Variants in FAM222B observed in about 807,000 individuals in gnomAD.
The protein encoded by FAM222B is protein FAM222B.
Under a neutral mutation model 38.0 loss-of-function variants are expected in FAM222B, and 12 were observed. The ratio of observed to expected loss-of-function variants is 0.32; its 90% CI spans 0.20 to 0.51. FAM222B has a LOEUF of 0.51. Among genes scored for constraint, FAM222B ranks in the 20% least tolerant of loss-of-function variants. The probability of loss-of-function intolerance (pLI) is 0.97; values close to 1 mark genes in which losing one functional copy is unlikely to be tolerated. For missense variants in FAM222B, 716 were observed against 754.2 expected, an observed-to-expected ratio of 0.95 and a Z score of 0.59; for synonymous variants, 329 against 317.2, an observed-to-expected ratio of 1.04 and a Z score of -0.40.
Position 28,758,616 on chromosome 17 carries a change from T to G in FAM222B, c.1343A>C (p.His448Pro). 1 of 1,611,596 alleles carries G rather than the reference T, an allele frequency of 6.2e-7. No homozygotes were observed. The highest frequency in any genetic ancestry group is 1.1e-5 in the South Asian group (1 of 91,082). Reference protein sequence around the residue: ...MAAPLAYPNGHYFQPLWNNIL... With the variant: ...MAAPLAYPNGPYFQPLWNNIL... Reference sequence around the variant, plus strand: ...GTTGTTCCACAGGGGTTGGAAGTAGTGACCATTGGGGTAGGCCAATGGGGC... The same window carrying G: ...GTTGTTCCACAGGGGTTGGAAGTAGGGACCATTGGGGTAGGCCAATGGGGC... Residue 448 changes from histidine to proline, a missense_variant, in exon 3 of 3, where the codon CAC becomes CCC. Coordinates refer to ENST00000581407, the MANE Select transcript of FAM222B (RefSeq NM_001077498.3).
intron 1 of FAM222B, among the ~76,000 whole-genome samples, chr17:28,850,148 T>C (rs1190001703): frequency 6.6e-6 from 1 of 152,046 alleles, no homozygotes; most frequent in Non-Finnish European, 1.5e-5. Flanking sequence ...CTCTCTTCTC[T>C]GCCCCATAAA....
Position 28,759,271 on chromosome 17 carries a change from C to T in FAM222B, c.688G>A (p.Gly230Ser). Residue 230 changes from glycine (G) to serine (S), a missense_variant, in exon 3 of 3, where the codon GGC becomes AGC. Physicochemically the swap from Gly to Ser is moderately conservative, Grantham distance 56. Transcript: ENST00000581407. This position sits in a 1 kb window ranked among gnomAD's most constrained non-coding sequence, Gnocchi z 4.8. Reference protein sequence around the residue: ...QHPHNPLLHGGRKMPDSDAPP... With the variant: ...QHPHNPLLHGSRKMPDSDAPP... Reference sequence around the variant, plus strand: ...GCATCTGAGTCTGGCATCTTCCGGCCTCCATGCAGCAAGGGATTGTGGGGG... The same window carrying T: ...GCATCTGAGTCTGGCATCTTCCGGCTTCCATGCAGCAAGGGATTGTGGGGG... 6.2e-7 allele frequency: 1 copy of T among 1,613,370 alleles called. No homozygotes were observed. The highest frequency in any genetic ancestry group is 8.5e-7 in the Non-Finnish European group (1 of 1,179,730).
At chr17:28,835,024 T>TTGTGTGTGTGTGTGTGTGTG (rs61229770) in intron 1 of FAM222B, among the ~76,000 whole-genome samples, 15 of 132,110 alleles carry the variant, frequency 1.1e-4, no homozygotes, top group Middle Eastern at 3.6e-3. Flanking sequence ...TCAGCTAATT[T>TTGTGTGTGTGTGTGTGTGTG]TGTGTGTGTG....
intron 1 of FAM222B, among the ~76,000 whole-genome samples, chr17:28,799,544 C>A (rs2037119234): frequency 6.6e-6 from 1 of 151,800 alleles, no homozygotes; most frequent in Non-Finnish European, 1.5e-5. Context: ...CTCCTGACCT[C>A]GTGATCCGCC....
chr17:28,759,967 G>T lies in FAM222B; in HGVS notation c.83-91C>A. On this transcript the variant is annotated intron_variant, in intron 2 of 2. Coordinates refer to ENST00000581407, the MANE Select transcript of FAM222B (RefSeq NM_001077498.3). The surrounding 1 kb of genome is among the most constrained non-coding windows in gnomAD (Gnocchi z 4.8). ...GCCCTTCCAGATTCCCCTTTTGAGG[G>T]CCTGGGGTGGGGTGGGGAAATGACT... is the stretch of plus-strand genomic sequence containing the variant. 1 of 1,285,084 alleles carries T rather than the reference G, an allele frequency of 7.8e-7. No individual in the cohort carries two copies. Among genetic ancestry groups the T allele is most frequent in the Non-Finnish European group, 1.1e-6 (1 of 948,452 alleles). The allele number at this position is 1,285,084 out of a possible 1,614,324, so 79.6% of individuals were successfully genotyped here.
At chr17:28,761,338 G>A (rs1162533692) in intron 2 of FAM222B, among the ~76,000 whole-genome samples, 1 of 152,184 alleles carries the variant, frequency 6.6e-6, no homozygotes, top group African/African-American at 2.4e-5. Flanking sequence ...CACAAAAGGT[G>A]CCTAATAAAT....
In FAM222B at chr17:28,831,592, C is replaced by A. The variant is rs564644939; in HGVS notation, c.-41+11090G>T. Among the ~76,000 whole-genome samples, 16 of 150,978 alleles carry A rather than the reference C, an allele frequency of 1.1e-4. No individual in the cohort carries two copies. In the East Asian group the frequency reaches 2.6e-3, roughly 24 times the overall value. On this transcript the variant is annotated intron_variant, in intron 1 of 2. Transcript: ENST00000581407. ...TGCGATCTTGGTTCACTGCAACCTC[C>A]GCCTTCTGGGCTCAAGCAATCCTAC... is the stretch of plus-strand genomic sequence containing the variant.
intron 1 of FAM222B, among the ~76,000 whole-genome samples, chr17:28,790,662 T>G (rs1002731898): frequency 6.6e-6 from 1 of 152,136 alleles, no homozygotes; most frequent in African/African-American, 2.4e-5. Flanking sequence ...AAGCAACATT[T>G]GAAGAGGATC....
At chr17:28,775,120 C>T (rs1173577648) in intron 1 of FAM222B, among the ~76,000 whole-genome samples, 1 of 148,626 alleles carries the variant, frequency 6.7e-6, no homozygotes, top group Non-Finnish European at 1.5e-5. Flanking sequence ...CCTGCCTCAG[C>T]CTCCTGAGTA....
At chr17:28,811,626 C>G (rs1374082420) in intron 1 of FAM222B, among the ~76,000 whole-genome samples, 1 of 152,196 alleles carries the variant, frequency 6.6e-6, no homozygotes, top group Non-Finnish European at 1.5e-5. Context: ...GTAAGTTTGC[C>G]TGCTCTAGTC....
chr17:28,840,644 G>A (rs1419314618), intron 1 of FAM222B, among the ~76,000 whole-genome samples: 1 of 152,058 alleles, frequency 6.6e-6, no homozygotes, highest in Admixed American at 6.6e-5. Flanking sequence ...TTGCAAAGGA[G>A]AACTTTTTAT....
At chr17:28,766,473 A>T in intron 2 of FAM222B, 113 bp downstream of exon 2, 6 of 784,680 alleles carry the variant, frequency 7.6e-6, no homozygotes, top group Admixed American at 2.8e-5. Flanking sequence ...AAAAAAAAAA[A>T]GAAAGGTGTC....
At chr17:28,804,217 T>C (rs913910102) in intron 1 of FAM222B, among the ~76,000 whole-genome samples, 2 of 152,086 alleles carry the variant, frequency 1.3e-5, no homozygotes, top group Non-Finnish European at 2.9e-5. Context: ...GCTTTCCTGG[T>C]TCTCGGGCTT....
intron 1 of FAM222B, among the ~76,000 whole-genome samples, chr17:28,816,145 T>C (rs2038014389): frequency 6.7e-6 from 1 of 149,952 alleles, no homozygotes; most frequent in Non-Finnish European, 1.5e-5. Flanking sequence ...AGTATGGTAG[T>C]GGGGGCCTGT....
rs61229770 is a variant in FAM222B at position 28,835,024 on chromosome 17, T to TTGTGTGTGTGTGTGTG, written c.-41+7642_-41+7657dup. On this transcript the variant is annotated intron_variant, in intron 1 of 2. Transcript: ENST00000581407. Reference sequence around the variant, plus strand: ...CGCCCACCACTACACTCAGCTAATTTTGTGTGTGTGTGTGTGTGTGTGTGT... The same window carrying TTGTGTGTGTGTGTGTG: ...CGCCCACCACTACACTCAGCTAATTTTGTGTGTGTGTGTGTGTGTGTGTGTGTGTGTGTGTGTGTGT... 2.3e-3 allele frequency among the ~76,000 whole-genome samples: 309 copies of TTGTGTGTGTGTGTGTG among 132,102 alleles called. 3 individuals are homozygous for TTGTGTGTGTGTGTGTG. The highest frequency in any genetic ancestry group is 4.1e-3 in the South Asian group (15 of 3,700). The allele number at this position is 132,102 out of a possible 152,430, so 86.7% of individuals were successfully genotyped here.
Position 28,756,698 on chromosome 17 carries a change from T to A in FAM222B, c.*1572A>T, listed in dbSNP as rs895276738. 4 of 151,982 alleles carry A rather than the reference T, an allele frequency of 2.6e-5. No homozygotes were observed. The highest frequency in any genetic ancestry group is 2.9e-5 in the Non-Finnish European group (2 of 67,984). The allele number at this position is 151,982 out of a possible 1,614,324, so 9.4% of individuals were successfully genotyped here. On this transcript the variant is annotated 3_prime_UTR_variant, in exon 3 of 3. Transcript: ENST00000581407. ...GGAACAATAAATTAGGACTTCATGT[T>A]GCTATCATTTGGCATAACACAATCA...
intron 1 of FAM222B, among the ~76,000 whole-genome samples, chr17:28,831,299 C>G (rs2038659538): frequency 6.6e-6 from 1 of 151,866 alleles, no homozygotes; most frequent in South Asian, 2.1e-4. Flanking sequence ...CGGCCTGAAT[C>G]TATGTCTGAA....
chr17:28,801,657 C>G (rs2037235784), intron 1 of FAM222B, among the ~76,000 whole-genome samples: 1 of 151,954 alleles, frequency 6.6e-6, no homozygotes, highest in Admixed American at 6.6e-5. Flanking sequence ...CCATTCCCAG[C>G]TGAATAGCTG....
At position 28,782,693 on chromosome 17, in the gene FAM222B, A is replaced by T. The variant is rs1428506482; in HGVS notation, c.-40-15986T>A. On this transcript the variant is annotated intron_variant, in intron 1 of 2. Transcript: ENST00000581407. ...TGTATTTGATCATCAAATGCATTACAGCATTTGTGGGGATAAATTCTCATT... is the reference window on the plus strand; with the variant it reads ...TGTATTTGATCATCAAATGCATTACTGCATTTGTGGGGATAAATTCTCATT... Among the ~76,000 whole-genome samples the T allele has an allele frequency of 4.6e-5, 7 of 152,202 alleles. No homozygotes were observed. In the East Asian group the frequency reaches 1.3e-3, roughly 29 times the overall value.
Sources: allele counts gnomAD v4.1 joint callset (sites outside exome capture counted in the v4.1 genomes callset), GRCh38; gene constraint gnomAD v4.1.1; non-coding constraint Gnocchi (gnomAD v3.1); transcripts MANE v1.5; gene names NCBI Gene and HGNC (gene_info 2026-07-23, HGNC 2026-07-21).